Variants in TTLL9 observed in about 807,000 individuals in gnomAD.
TTLL9 encodes the protein probable tubulin polyglutamylase TTLL9.
In TTLL9, 47 loss-of-function variants were observed where a neutral mutation model predicts 65.6. The observed-to-expected ratio is 0.72, with a 90% CI of 0.57 to 0.91. The LOEUF is 0.91. TTLL9 is among the 40% of genes least tolerant of loss of function. The pLI, the probability that TTLL9 is intolerant of heterozygous loss-of-function variation, is 0.00. For synonymous variants in TTLL9, 179 were observed against 204.8 expected (o/e 0.87, Z 1.07); for missense variants, 537 against 568.8 (o/e 0.94, Z 0.57).
intron 4 of TTLL9, among the ~76,000 whole-genome samples, chr20:31,898,967 G>C (rs949953980): frequency 6.6e-6 from 1 of 152,220 alleles, no homozygotes; most frequent in Non-Finnish European, 1.5e-5. Flanking sequence ...CCACTTGCTA[G>C]TTCTGTGACT....
At chr20:31,887,372 C>T (rs1214859879) in intron 3 of TTLL9, 133 bp downstream of exon 3, 1 of 1,040,148 alleles carries the variant, frequency 9.6e-7, no homozygotes, top group Non-Finnish European at 1.4e-6. Flanking sequence ...TAATGCTAAA[C>T]CATTATTGAG....
intron 2 of TTLL9, among the ~76,000 whole-genome samples, chr20:31,873,884 G>GAA (rs1287272034): frequency 1.2e-4 from 18 of 145,644 alleles, no homozygotes; most frequent in Admixed American, 1.2e-3. Context: ...AAGAAAGAAA[G>GAA]AGAAAGAAAA....
chr20:31,885,412 G>A (rs549966062), intron 2 of TTLL9, among the ~76,000 whole-genome samples: 130 of 152,310 alleles, frequency 8.5e-4, no homozygotes, highest in Admixed American at 1.5e-3. Context: ...TGTGACAGAC[G>A]TGCCAATGCA....
Position 31,870,948 on chromosome 20 carries a change from A to T in TTLL9, c.-7A>T. The stretch of plus-strand genomic sequence containing the variant: ...CTTCAGAGTCTGCTTGGAACGGGAT[A>T]AGTGGGTAATTCCTTCCGATACATC... On this transcript the variant is annotated splice_region_variant and 5_prime_UTR_variant, in exon 1 of 15. The change abolishes the stop of an existing upstream ORF in the 5' untranslated region. Transcript: ENST00000535842. The surrounding 1 kb of genome is among the most constrained non-coding windows in gnomAD (Gnocchi z 6.6). 3.0e-6 allele frequency: 2 copies of T among 671,116 alleles called. No homozygotes were observed. The highest frequency in any genetic ancestry group is 5.4e-6 in the Non-Finnish European group (2 of 369,356). 41.6% of individuals were successfully genotyped at this position (671,116 alleles called of 1,614,324 possible).
At chr20:31,871,671 C>T (rs1301497071) in intron 2 of TTLL9, among the ~76,000 whole-genome samples, 1 of 152,068 alleles carries the variant, frequency 6.6e-6, no homozygotes, top group Non-Finnish European at 1.5e-5. Context: ...CCCGTCTCAG[C>T]TCTCATAAAA....
At chr20:31,908,044 C>T (rs1004542926) in intron 4 of TTLL9, among the ~76,000 whole-genome samples, 3 of 152,166 alleles carry the variant, frequency 2.0e-5, no homozygotes, top group African/African-American at 7.2e-5. Flanking sequence ...GGTGTGGGTC[C>T]TGCTGCTGCC....
intron 3 of TTLL9, among the ~76,000 whole-genome samples, chr20:31,892,000 A>G (rs891639003): frequency 6.6e-6 from 1 of 151,180 alleles, no homozygotes; most frequent in Non-Finnish European, 1.5e-5. Flanking sequence ...ATGGGGTTTC[A>G]CCATGTTGGC....
At chr20:31,905,634 G>T (rs2063544751) in intron 4 of TTLL9, among the ~76,000 whole-genome samples, 1 of 152,152 alleles carries the variant, frequency 6.6e-6, no homozygotes. Context: ...TCAGTGAAAG[G>T]CTGGGTCTGT....
chr20:31,914,794 C>G (rs943375644), intron 6 of TTLL9, among the ~76,000 whole-genome samples: 1 of 152,150 alleles, frequency 6.6e-6, no homozygotes, highest in Non-Finnish European at 1.5e-5. Context: ...CAGGAATGGC[C>G]GGTCTTCATA....
At chr20:31,926,469 T>C (rs2063908886) in intron 10 of TTLL9, among the ~76,000 whole-genome samples, 1 of 152,172 alleles carries the variant, frequency 6.6e-6, no homozygotes, top group Non-Finnish European at 1.5e-5. Context: ...TATGACTCCT[T>C]TGAAGACAAT....
intron 9 of TTLL9, 81 bp from the exon 10 acceptor site, chr20:31,925,967 TG>T: frequency 2.5e-6 from 4 of 1,586,422 alleles, no homozygotes; most frequent in Non-Finnish European, 2.6e-6. Context: ...CAGTGTATCC[TG>T]GGATCCTGGC....
At position 31,942,927 on chromosome 20, in the gene TTLL9, A is replaced by G; in HGVS notation, c.1244-18A>G. ...CCAAGCATAGGTCATCCCAGCCAAC[A>G]CCCCACTTCCTTTCCAGGCTGCGTC... is the stretch of plus-strand genomic sequence containing the variant. On this transcript the variant is annotated intron_variant, in intron 14 of 14. Transcript: ENST00000535842. 1.9e-6 allele frequency: 3 copies of G among 1,613,824 alleles called. No homozygotes were observed. The highest frequency in any genetic ancestry group is 2.5e-6 in the Non-Finnish European group (3 of 1,179,862).
At chr20:31,913,597 C>G (rs1469461836) in intron 6 of TTLL9, among the ~76,000 whole-genome samples, 2 of 152,116 alleles carry the variant, frequency 1.3e-5, no homozygotes, top group Non-Finnish European at 2.9e-5. Context: ...TGGTGTCTGC[C>G]GAGCCTTCAT....
chr20:31,873,346 G>A (rs1333325120), intron 2 of TTLL9, among the ~76,000 whole-genome samples: 2 of 152,112 alleles, frequency 1.3e-5, no homozygotes, highest in Non-Finnish European at 2.9e-5. Flanking sequence ...CCGACCCATG[G>A]ATGCTGTAAA....
In TTLL9 at chr20:31,937,492, T is replaced by A; in HGVS notation, c.1101T>A (p.Val367=). 2.5e-6 allele frequency: 4 copies of A among 1,613,584 alleles called. No individual in the cohort carries two copies. Among genetic ancestry groups the A allele is most frequent in the Non-Finnish European group, 3.4e-6 (4 of 1,179,666 alleles). ...KTCLLEDTLH[V]VDMEARLTGR... is the part of the protein sequence containing the mutation. Reference sequence around the variant, plus strand: ...GCCTCCTGGAAGACACCCTGCATGTTGTGGACATGGAAGCGAGGTGAGGGA... The same window carrying A: ...GCCTCCTGGAAGACACCCTGCATGTAGTGGACATGGAAGCGAGGTGAGGGA... The change falls in exon 13 of 15, where the codon GTT becomes GTA. Residue 367 remains valine (V), a synonymous_variant. Coordinates refer to ENST00000535842, the MANE Select transcript of TTLL9 (RefSeq NM_001008409.5).
intron 10 of TTLL9, among the ~76,000 whole-genome samples, chr20:31,930,249 C>T (rs772758967): frequency 4.0e-4 from 61 of 152,128 alleles, no homozygotes; most frequent in Non-Finnish European, 6.5e-4. Flanking sequence ...CTGGGCATGT[C>T]TAGGTGAAGC....
chr20:31,923,304 C>A lies in TTLL9; in HGVS notation c.664+251C>A, dbSNP rs1194458208. 1.1e-4 allele frequency among the ~76,000 whole-genome samples: 16 copies of A among 152,348 alleles called. No individual in the cohort carries two copies. The East Asian group carries it at 2.5e-3, about 24-fold the overall frequency. On this transcript the variant is annotated intron_variant, in intron 8 of 14. Coordinates refer to ENST00000535842, the MANE Select transcript of TTLL9 (RefSeq NM_001008409.5). ...TCCTTTAAAAACCAACTTATTCATG[C>A]GTTTATCCAACAAATATTATAAAGC...
intron 7 of TTLL9, among the ~76,000 whole-genome samples, chr20:31,920,909 A>C (rs943633176): frequency 6.6e-6 from 1 of 152,196 alleles, no homozygotes. Context: ...TGAAGGGGAC[A>C]ATAGGTGGGA....
chr20:31,922,881 C>A, intron 7 of TTLL9, 82 bp from the exon 8 acceptor site: 1 of 1,139,054 alleles, frequency 8.8e-7, no homozygotes, highest in Non-Finnish European at 1.3e-6. Flanking sequence ...GTGAGCTACC[C>A]AAAGTAGTGT....
Sources: gnomAD v4.1 joint callset for allele counts (sites outside exome capture counted in the v4.1 genomes callset) on GRCh38, gnomAD v4.1.1 for gene constraint, Gnocchi (gnomAD v3.1) non-coding constraint, MANE v1.5 for transcripts, NCBI Gene and HGNC (gene_info 2026-07-23, HGNC 2026-07-21) for gene names.